The following NUB1 variants were observed in gnomAD, a reference collection of about 807,000 sequenced individuals.
NUB1 encodes negative regulator of ubiquitin like proteins 1, also known as NEDD8 ultimate buster 1.
NUB1 carries 41 observed loss-of-function variants against 77.1 expected under a neutral mutation model. That is an observed-to-expected ratio of 0.53 (90% confidence interval 0.41 to 0.69). The LOEUF (loss-of-function observed/expected upper bound fraction) is 0.69, where lower values mean the gene tolerates loss of function less well. Ranked by LOEUF, NUB1 falls within the 30% of genes least tolerant of loss-of-function variation. The probability of loss-of-function intolerance (pLI) is 0.00; values close to 1 mark genes in which losing one functional copy is unlikely to be tolerated. For missense variants in NUB1, 643 were observed against 743.8 expected (o/e 0.86, Z 1.58); for synonymous variants, 257 against 281.0 (o/e 0.91, Z 0.85).
Position 151,376,974 on chromosome 7 carries a change from T to C in NUB1, c.1670-73T>C, listed in dbSNP as rs1449256241. The C allele has an allele frequency of 5.0e-5, 71 of 1,420,234 alleles. 1 individual carries two copies. Among genetic ancestry groups the C allele is most frequent in the South Asian group, 1.2e-4 (8 of 68,822 alleles). The allele number at this position is 1,420,234 out of a possible 1,614,324, so 88.0% of individuals were successfully genotyped here. On this transcript the variant is annotated intron_variant, in intron 14 of 14. Coordinates refer to ENST00000568733, the MANE Select transcript of NUB1 (RefSeq NM_001243351.2). ...GGCCAGCAAGAGGCACAGTCTGAGGTTGACTGTGGTCGTGCAGTGTCCCCA... is the reference window on the plus strand; with the variant it reads ...GGCCAGCAAGAGGCACAGTCTGAGGCTGACTGTGGTCGTGCAGTGTCCCCA...
At chr7:151,359,196 TG>T (rs1365504459) in intron 7 of NUB1, among the ~76,000 whole-genome samples, 1 of 150,304 alleles carries the variant, frequency 6.7e-6, no homozygotes, top group Non-Finnish European at 1.5e-5. Context: ...CCCAGCACTT[TG>T]GGAGGCCGAG....
At chr7:151,361,144 G>A (rs1171643964) in intron 8 of NUB1, 3 of 152,182 alleles carry the variant, frequency 2.0e-5, no homozygotes, top group Admixed American at 1.3e-4. Context: ...TATTTTATAT[G>A]TGGAGGTACA....
intron 8 of NUB1, among the ~76,000 whole-genome samples, chr7:151,366,368 G>C (rs1225307029): frequency 1.3e-5 from 2 of 152,134 alleles, no homozygotes; most frequent in East Asian, 3.9e-4. Context: ...GGCATTCATA[G>C]TACGTAGGGA....
chr7:151,348,666 C>T (rs1376908989), intron 2 of NUB1, among the ~76,000 whole-genome samples: 1 of 146,262 alleles, frequency 6.8e-6, no homozygotes, highest in African/African-American at 2.5e-5. Context: ...GCCTCTGCCT[C>T]CTGGGTTCAA....
intron 13 of NUB1, chr7:151,376,194 A>C: frequency 2.0e-6 from 1 of 499,662 alleles, no homozygotes; most frequent in South Asian, 2.1e-5. Flanking sequence ...TTGTCTATGC[A>C]CCACTGTTTG....
chr7:151,358,865 C>T (rs986552905), intron 7 of NUB1, among the ~76,000 whole-genome samples: 1 of 150,850 alleles, frequency 6.6e-6, no homozygotes, highest in Non-Finnish European at 1.5e-5. Flanking sequence ...GAGATCGAGA[C>T]CATCCTGGCT....
chr7:151,341,831 G>A lies in NUB1; in HGVS notation c.-18G>A, dbSNP rs764677148. ...CCGGGCACTCTGCTGGTCGCGGCGG[G>A]AGTGGCGTGGCGCAGGTGAGGACAC... is the stretch of plus-strand genomic sequence containing the variant. On this transcript the variant is annotated 5_prime_UTR_variant, in exon 1 of 15. Coordinates refer to ENST00000568733, the MANE Select transcript of NUB1 (RefSeq NM_001243351.2). 2 of 1,507,638 alleles carry A rather than the reference G, an allele frequency of 1.3e-6. No homozygotes were observed. The highest frequency in any genetic ancestry group is 2.5e-5 in the South Asian group (2 of 80,924). The allele number at this position is 1,507,638 out of a possible 1,614,324, so 93.4% of individuals were successfully genotyped here.
chr7:151,348,295 C>T (rs927986736), intron 2 of NUB1, among the ~76,000 whole-genome samples: 3 of 152,008 alleles, frequency 2.0e-5, no homozygotes, highest in Non-Finnish European at 2.9e-5. Flanking sequence ...ACAACTAGTA[C>T]CCATGATTCA....
At chr7:151,361,153 C>A (rs527710982) in intron 8 of NUB1, 1 of 152,250 alleles carries the variant, frequency 6.6e-6, no homozygotes, top group South Asian at 2.1e-4. Context: ...TGTGGAGGTA[C>A]AATTTGTATA....
At chr7:151,344,768 G>C (rs1406614029) in intron 1 of NUB1, among the ~76,000 whole-genome samples, 1 of 152,168 alleles carries the variant, frequency 6.6e-6, no homozygotes, top group African/African-American at 2.4e-5. Context: ...TTGAGACCAA[G>C]GTGGGTGGAT....
At chr7:151,352,722 C>T (rs949256941) in intron 4 of NUB1, 90 bp from the exon 5 acceptor site, 19 of 793,966 alleles carry the variant, frequency 2.4e-5, no homozygotes, top group Non-Finnish European at 3.0e-5. Flanking sequence ...GGATTACAGG[C>T]GTGAGCCACC....
intron 5 of NUB1, among the ~76,000 whole-genome samples, chr7:151,354,730 G>T (rs950135270): frequency 6.6e-6 from 1 of 152,130 alleles, no homozygotes; most frequent in Non-Finnish European, 1.5e-5. Context: ...GGTAGATGGA[G>T]CCCATGGTCT....
At chr7:151,342,474 C>T (rs185586993) in intron 1 of NUB1, among the ~76,000 whole-genome samples, 1 of 152,204 alleles carries the variant, frequency 6.6e-6, no homozygotes, top group East Asian at 1.9e-4. Flanking sequence ...TTTAAAGGAT[C>T]GTTATAACGT....
At chr7:151,351,020 A>G (rs1317718669) in intron 3 of NUB1, 1 of 238,408 alleles carries the variant, frequency 4.2e-6, no homozygotes, top group African/African-American at 2.3e-5. Context: ...GCACTATCCC[A>G]TTTATATGAA....
chr7:151,376,554 G>A (rs1016277112), intron 13 of NUB1, 80 bp from the exon 14 acceptor site: 21 of 1,341,898 alleles, frequency 1.6e-5, no homozygotes, highest in African/African-American at 7.3e-5. Context: ...CATGAGAGTC[G>A]GCTGTCCACT....
chr7:151,360,084 A>G (rs1049925319), intron 7 of NUB1, 57 bp from the exon 8 acceptor site: 14 of 759,454 alleles, frequency 1.8e-5, no homozygotes, highest in African/African-American at 3.5e-5. Flanking sequence ...TGCTTTTAAT[A>G]TAATTTGCCT....
At chr7:151,368,071 C>A in intron 10 of NUB1, 103 bp downstream of exon 10, 1 of 672,526 alleles carries the variant, frequency 1.5e-6, no homozygotes, top group South Asian at 1.9e-5. Flanking sequence ...AGAAACATGC[C>A]TGTGCTTTCT....
At chr7:151,349,668 T>C (rs894340003) in intron 3 of NUB1, among the ~76,000 whole-genome samples, 1 of 152,188 alleles carries the variant, frequency 6.6e-6, no homozygotes, top group Non-Finnish European at 1.5e-5. Context: ...GGTCACCTCC[T>C]CTCATTGCCA....
At chr7:151,371,694 G>A (rs1008990682) in intron 11 of NUB1, among the ~76,000 whole-genome samples, 1 of 152,198 alleles carries the variant, frequency 6.6e-6, no homozygotes, top group Non-Finnish European at 1.5e-5. Flanking sequence ...TGCCCTCGGA[G>A]TTCCAACGTT....
Sources: gnomAD v4.1 joint callset for allele counts (sites outside exome capture counted in the v4.1 genomes callset) on GRCh38, gnomAD v4.1.1 for gene constraint, MANE v1.5 for transcripts, NCBI Gene and HGNC (gene_info 2026-07-23, HGNC 2026-07-21) for gene names.